ADAM23: variants seen among roughly 807,000 people sequenced by gnomAD.
The protein encoded by ADAM23 is ADAM metallopeptidase domain 23, also known as disintegrin and metalloproteinase domain-containing protein 23.
Under a neutral mutation model 120.1 loss-of-function variants are expected in ADAM23, and 33 were observed. The ratio of observed to expected loss-of-function variants is 0.27; its 90% CI spans 0.21 to 0.37. The LOEUF (loss-of-function observed/expected upper bound fraction) is 0.37, where lower values mean the gene tolerates loss of function less well. Ranked by LOEUF, ADAM23 falls within the 10% of genes least tolerant of loss-of-function variation. The probability of loss-of-function intolerance (pLI) is 1.00; values close to 1 mark genes in which losing one functional copy is unlikely to be tolerated. For missense variants in ADAM23, 862 were observed against 1,058.2 expected (o/e 0.81, Z 2.57); for synonymous variants, 367 against 375.2 (o/e 0.98, Z 0.25).
rs1697423017 is a variant in ADAM23, at chr2:206,547,500, C to A, written c.792C>A (p.Leu264=). 6.2e-7 allele frequency: 1 copy of A among 1,608,170 alleles called. No individual in the cohort carries two copies. The change falls in exon 7 of 26, where the codon CTC becomes CTA. Residue 264 remains leucine (L), a splice_region_variant and synonymous_variant. Coordinates refer to ENST00000264377, the MANE Select transcript of ADAM23 (RefSeq NM_003812.4). ...AGQYSKQMKN[L]TMERGDQWPF... is the part of the protein sequence containing the mutation. ...AGTATTCTAAGCAAATGAAGAATCT[C>A]AGTAAGTTTTAACTAAAAATAGCGA... is the stretch of plus-strand genomic sequence containing the variant.
At chr2:206,579,067 C>T (rs554563131) in intron 18 of ADAM23, among the ~76,000 whole-genome samples, 3 of 152,014 alleles carry the variant, frequency 2.0e-5, no homozygotes, top group South Asian at 2.1e-4. Context: ...CCTTAGCCCA[C>T]TTTTTGATGG....
rs145723484 is a variant in ADAM23 at position 206,611,024 on chromosome 2, T to C, written c.2450+1024T>C. 8.5e-5 allele frequency among the ~76,000 whole-genome samples: 13 copies of C among 152,346 alleles called. No individual in the cohort carries two copies. In the East Asian group the frequency reaches 1.7e-3, roughly 20 times the overall value. ...GAATAATTGCCTTAATTATAAACTT[T>C]ATATGTTTTATATTTGGGATTTTGA... On this transcript the variant is annotated intron_variant, in intron 25 of 25. Coordinates refer to ENST00000264377, the MANE Select transcript of ADAM23 (RefSeq NM_003812.4).
intron 3 of ADAM23, among the ~76,000 whole-genome samples, chr2:206,507,403 A>C (rs1696517435): frequency 1.3e-5 from 2 of 152,078 alleles, no homozygotes; most frequent in African/African-American, 4.8e-5. Context: ...ATAAGTATGC[A>C]GCACCACCCC....
intron 14 of ADAM23, 103 bp downstream of exon 14, chr2:206,565,171 C>T (rs752517047): frequency 7.5e-6 from 7 of 933,266 alleles, no homozygotes; most frequent in Admixed American, 2.1e-5. Context: ...AGGCTAAGCA[C>T]AATATAAAAT....
At chr2:206,561,925 T>A (rs1352116466) in intron 12 of ADAM23, among the ~76,000 whole-genome samples, 1 of 152,162 alleles carries the variant, frequency 6.6e-6, no homozygotes. Context: ...TTATTCTTAG[T>A]TTGGTATAAG....
intron 3 of ADAM23, among the ~76,000 whole-genome samples, chr2:206,490,683 T>G (rs1367427159): frequency 6.6e-6 from 1 of 152,208 alleles, no homozygotes; most frequent in Non-Finnish European, 1.5e-5. Context: ...CTGGTAGGAA[T>G]GAGTTGCTAT....
chr2:206,570,075 T>C (rs1697965801), intron 15 of ADAM23, among the ~76,000 whole-genome samples: 2 of 152,322 alleles, frequency 1.3e-5, no homozygotes, highest in Middle Eastern at 3.4e-3. Context: ...CTCTATAATA[T>C]AGTTTATCTG....
At chr2:206,607,737 T>TC (rs1444978678) in intron 24 of ADAM23, among the ~76,000 whole-genome samples, 1 of 152,184 alleles carries the variant, frequency 6.6e-6, no homozygotes, top group Non-Finnish European at 1.5e-5. Context: ...CTGATTTTTT[T>TC]CCCCATCAAA....
intron 24 of ADAM23, among the ~76,000 whole-genome samples, chr2:206,601,770 C>T (rs1698643871): frequency 7.5e-6 from 1 of 133,916 alleles, no homozygotes. Flanking sequence ...TAAGACCCTT[C>T]TCAAAAAAAA....
intron 18 of ADAM23, among the ~76,000 whole-genome samples, chr2:206,584,860 A>G (rs527862547): frequency 2.6e-5 from 4 of 152,062 alleles, no homozygotes; most frequent in South Asian, 2.1e-4. Flanking sequence ...TTGGATCCCT[A>G]TGGTGCTAGG....
intron 3 of ADAM23, among the ~76,000 whole-genome samples, chr2:206,497,618 C>G (rs1426179513): frequency 6.6e-6 from 1 of 152,186 alleles, no homozygotes; most frequent in Non-Finnish European, 1.5e-5. Flanking sequence ...TCTCTCACCA[C>G]TCCTATTCAA....
chr2:206,481,302 T>G lies in ADAM23; in HGVS notation c.503T>G (p.Leu168Arg), dbSNP rs778688136. The change falls in exon 3 of 26, where the codon CTG (leucine) becomes CGG (arginine). Residue 168 changes from leucine (L) to arginine (R), a missense_variant. By Grantham distance (102) the Leu-to-Arg change is moderately radical (BLOSUM62 -2). Around this residue, in one of 4 missense-constraint regions of ADAM23, gnomAD observed 617 missense variants for 813.5 expected, o/e 0.76. Coordinates refer to ENST00000264377, the MANE Select transcript of ADAM23 (RefSeq NM_003812.4). ...FGSKFILDLI[L>R]NNGLLSSDYV... The stretch of plus-strand genomic sequence containing the variant: ...TCCAAATTCATTCTTGACCTCATAC[T>G]GAACAAGTGAGTATTTAGACATAAT... The G allele has an allele frequency of 6.2e-7, 1 of 1,603,366 alleles. No individual in the cohort carries two copies. The highest frequency in any genetic ancestry group is 1.1e-5 in the South Asian group (1 of 88,746).
At chr2:206,538,482 T>G (rs1038951546) in intron 4 of ADAM23, among the ~76,000 whole-genome samples, 1 of 152,184 alleles carries the variant, frequency 6.6e-6, no homozygotes, top group Non-Finnish European at 1.5e-5. Flanking sequence ...ATTCAGAACC[T>G]AGATATCATA....
intron 2 of ADAM23, among the ~76,000 whole-genome samples, chr2:206,472,888 C>A (rs1695690327): frequency 6.6e-6 from 1 of 152,156 alleles, no homozygotes; most frequent in South Asian, 2.1e-4. Flanking sequence ...GATCTGCTTC[C>A]TTTAAGTAGG....
chr2:206,550,783 A>C (rs1166685778), intron 9 of ADAM23, among the ~76,000 whole-genome samples: 2 of 151,934 alleles, frequency 1.3e-5, no homozygotes, highest in Non-Finnish European at 2.9e-5. Context: ...TTGTATTTTT[A>C]GTAGAGACGG....
chr2:206,538,659 G>A (rs1697230394), intron 4 of ADAM23, among the ~76,000 whole-genome samples: 1 of 152,164 alleles, frequency 6.6e-6, no homozygotes, highest in Admixed American at 6.5e-5. Context: ...CATGCAGATG[G>A]AATAATTAGA....
chr2:206,548,532 A>C (rs1368720518), intron 8 of ADAM23, among the ~76,000 whole-genome samples, 178 bp downstream of exon 8: 1 of 152,142 alleles, frequency 6.6e-6, no homozygotes, highest in East Asian at 1.9e-4. Flanking sequence ...CTTTTTATTG[A>C]TCTCTTTCTG....
chr2:206,555,541 C>T (rs1042939905), intron 9 of ADAM23, among the ~76,000 whole-genome samples: 9 of 151,896 alleles, frequency 5.9e-5, no homozygotes, highest in African/African-American at 1.9e-4. Flanking sequence ...CAATGACAGG[C>T]AAAATAATTT....
In ADAM23 at chr2:206,445,295, T is replaced by G. The variant is rs1162110271; in HGVS notation, c.215-12T>G. 6 of 1,603,648 alleles carry G rather than the reference T, an allele frequency of 3.7e-6. No individual in the cohort carries two copies. The highest frequency in any genetic ancestry group is 4.3e-6 in the Non-Finnish European group (5 of 1,171,042). ...TGTATTTTCTGCTCCCCCACCCCCC[T>G]ACCTCCACCAGCTCCGCATTGGAAT... On this transcript the variant is annotated splice_polypyrimidine_tract_variant and intron_variant, in intron 1 of 25. Transcript: ENST00000264377.
Sources: gnomAD v4.1 joint callset for allele counts (sites outside exome capture counted in the v4.1 genomes callset) on GRCh38, gnomAD v4.1.1 for gene constraint, gnomAD v4.1.1 regional missense constraint, MANE v1.5 for transcripts, NCBI Gene and HGNC (gene_info 2026-07-23, HGNC 2026-07-21) for gene names.